SCGB2B2: variants seen among roughly 807,000 people sequenced by gnomAD.
The protein encoded by SCGB2B2 is secretoglobin family 2B member 2, also known as secretoglobin-like protein.
In SCGB2B2, 11 loss-of-function variants were observed where a neutral mutation model predicts 7.6. The observed-to-expected ratio is 1.45, with a 90% CI of 0.91 to 2.40. The LOEUF (loss-of-function observed/expected upper bound fraction) is 2.40, where lower values mean the gene tolerates loss of function less well. Ranked by LOEUF, SCGB2B2 falls within the 30% of genes most tolerant of loss-of-function variation. The pLI is 0.00. For missense variants in SCGB2B2, 104 were observed against 115.4 expected, an observed-to-expected ratio of 0.90 and a Z score of 0.45; for synonymous variants, 50 against 48.6, an observed-to-expected ratio of 1.03 and a Z score of -0.12.
At chr19:34,650,631 A>G (rs1242728566) in intron 1 of SCGB2B2, among the ~76,000 whole-genome samples, 2 of 151,384 alleles carry the variant, frequency 1.3e-5, no homozygotes, top group African/African-American at 2.5e-5. Flanking sequence ...CTATCACAGA[A>G]AAGTCTAGAT....
intron 1 of SCGB2B2, among the ~76,000 whole-genome samples, chr19:34,620,876 G>A (rs1310132271): frequency 6.6e-6 from 1 of 152,020 alleles, no homozygotes; most frequent in Non-Finnish European, 1.5e-5. Flanking sequence ...AATGTATACT[G>A]GGAAAACTTT....
intron 1 of SCGB2B2, among the ~76,000 whole-genome samples, chr19:34,623,847 C>CA (rs903152404): frequency 1.3e-5 from 2 of 152,076 alleles, no homozygotes; most frequent in African/African-American, 2.4e-5. Context: ...ACAGGTGCCT[C>CA]AAAAAATATA....
rs534905593 is a variant in SCGB2B2 at position 34,628,001 on chromosome 19, C to G, written c.-2031-31407G>C. On this transcript the variant is annotated intron_variant, in intron 1 of 3. Transcript: ENST00000601241. ...ACCGCTCAACTACATGGAAACTGAA[C>G]AACTTCCTCCTGAATGACTACTGGG... is the stretch of plus-strand genomic sequence containing the variant. 5.3e-5 allele frequency among the ~76,000 whole-genome samples: 8 copies of G among 152,310 alleles called. No individual in the cohort carries two copies. In the South Asian group the frequency reaches 1.7e-3, roughly 32 times the overall value.
chr19:34,649,844 C>T (rs2067118280), intron 1 of SCGB2B2, among the ~76,000 whole-genome samples: 1 of 151,160 alleles, frequency 6.6e-6, no homozygotes. Flanking sequence ...TCTTCCTGTG[C>T]ACCCCAGCTT....
intron 1 of SCGB2B2, among the ~76,000 whole-genome samples, chr19:34,665,292 A>G (rs1262344160): frequency 6.6e-6 from 1 of 152,238 alleles, no homozygotes; most frequent in Non-Finnish European, 1.5e-5. Context: ...TCCTAAGCCT[A>G]GAGATGGTCT....
chr19:34,624,749 G>C (rs1220127425), intron 1 of SCGB2B2, among the ~76,000 whole-genome samples: 1 of 152,164 alleles, frequency 6.6e-6, no homozygotes, highest in Non-Finnish European at 1.5e-5. Context: ...ATGATGGCTA[G>C]ATCTTCTGTG....
At chr19:34,658,807 C>CAAA (rs2067358770) in intron 1 of SCGB2B2, among the ~76,000 whole-genome samples, 33 of 61,162 alleles carry the variant, frequency 5.4e-4, no homozygotes, top group Non-Finnish European at 7.5e-4. Flanking sequence ...ACAACAACAA[C>CAAA]AACAACAAAA....
chr19:34,668,274 G>A (rs1295009170), intron 1 of SCGB2B2, among the ~76,000 whole-genome samples: 1 of 152,160 alleles, frequency 6.6e-6, no homozygotes, highest in Admixed American at 6.5e-5. Context: ...GGCTTGGCGG[G>A]CCCCGCACTC....
At chr19:34,631,986 GAAAGGTGC>G (rs1697131028) in intron 1 of SCGB2B2, 2 of 152,098 alleles carry the variant, frequency 1.3e-5, no homozygotes, top group African/African-American at 4.8e-5. Context: ...TAATTTTAAA[GAAAGGTGC>G]AAAGGCAACT....
In SCGB2B2 at chr19:34,676,140, G is replaced by T. The variant is rs1404895820; in HGVS notation, c.-2542C>A. ...AGCGCTGATTGGTCTATTTTACAGA[G>T]TGCTGTTTGGTCCGTTTTTACAGAG... On this transcript the variant is annotated 5_prime_UTR_variant, in exon 1 of 4. Coordinates refer to ENST00000601241, the MANE Select transcript of SCGB2B2 (RefSeq NM_001025591.4). 6.6e-6 allele frequency: 1 copy of T among 152,178 alleles called. No individual in the cohort carries two copies. The highest frequency in any genetic ancestry group is 1.5e-5 in the Non-Finnish European group (1 of 68,050). The allele number at this position is 152,178 out of a possible 1,614,324, so 9.4% of individuals were successfully genotyped here. A position where few individuals can be genotyped will look rare whatever the true frequency, so the allele number is the denominator to read the frequency against.
At position 34,653,434 on chromosome 19, in the gene SCGB2B2, C is replaced by T. The variant is rs571079346; in HGVS notation, c.-2032+22196G>A. Among the ~76,000 whole-genome samples the T allele has an allele frequency of 3.4e-4, 51 of 151,196 alleles. 3 individuals are homozygous for T. Among genetic ancestry groups the T allele is most frequent in the African/African-American group, 1.2e-3 (50 of 40,578 alleles). On this transcript the variant is annotated intron_variant, in intron 1 of 3. Coordinates refer to ENST00000601241, the MANE Select transcript of SCGB2B2 (RefSeq NM_001025591.4). ...TAATCACCCTGCTTTGGTCATTACA[C>T]ATTGTATGCATGTATTGAAATACCA...
At chr19:34,653,480 C>T (rs1176679395) in intron 1 of SCGB2B2, among the ~76,000 whole-genome samples, 1 of 150,834 alleles carries the variant, frequency 6.6e-6, no homozygotes, top group Non-Finnish European at 1.5e-5. Flanking sequence ...TAAATATATA[C>T]AATTATTACT....
chr19:34,662,555 A>G (rs1280670008), intron 1 of SCGB2B2, among the ~76,000 whole-genome samples: 1 of 152,154 alleles, frequency 6.6e-6, no homozygotes. Flanking sequence ...TATAACATTG[A>G]TAAATTTAAT....
downstream of SCGB2B2, among the ~76,000 whole-genome samples, chr19:34,588,979 A>G (rs2065241740): frequency 6.6e-6 from 1 of 152,178 alleles, no homozygotes; most frequent in South Asian, 2.1e-4. Context: ...GTGGAGGATC[A>G]GGTCTCAAGG....
At position 34,594,762 on chromosome 19, in the gene SCGB2B2, G is replaced by A. The variant is rs140600262; in HGVS notation, c.-199C>T. 6,353 of 614,264 alleles carry A rather than the reference G, an allele frequency of 0.01. 305 individuals carry two copies. The highest frequency in any genetic ancestry group is 0.088 in the South Asian group (4,785 of 54,364). 38.1% of individuals were successfully genotyped at this position (614,264 alleles called of 1,614,324 possible). A position where few individuals can be genotyped will look rare whatever the true frequency, so the allele number is the denominator to read the frequency against. ...CGGCCCTGGGCCATGCTGTTGGGGT[G>A]GCAGCGTATCGGGAACTGGACTCAG... On this transcript the variant is annotated 5_prime_UTR_variant, in exon 2 of 4. Transcript: ENST00000601241.
chr19:34,638,444 A>C (rs927457109), intron 1 of SCGB2B2, among the ~76,000 whole-genome samples: 4 of 151,106 alleles, frequency 2.6e-5, no homozygotes, highest in African/African-American at 9.8e-5. Flanking sequence ...TCCTGTCTCC[A>C]AAACAAAAAA....
intron 1 of SCGB2B2, among the ~76,000 whole-genome samples, chr19:34,671,956 T>C (rs1445298878): frequency 6.6e-6 from 1 of 152,204 alleles, no homozygotes; most frequent in Admixed American, 6.5e-5. Flanking sequence ...TGGAAGATTA[T>C]TCATAAAATT....
At chr19:34,667,329 A>C (rs1189945912) in intron 1 of SCGB2B2, among the ~76,000 whole-genome samples, 1 of 151,836 alleles carries the variant, frequency 6.6e-6, no homozygotes, top group Non-Finnish European at 1.5e-5. Context: ...CCACAGGAAG[A>C]AATCAACAAC....
At position 34,593,149 on chromosome 19, in the gene SCGB2B2, C is replaced by G. The variant is rs750848625; in HGVS notation, c.*406G>C. ...CCAGCCTGGCCAACATGGCAAAACC[C>G]TGTCTCCACTAAAAATACAAAAATT... On this transcript the variant is annotated 3_prime_UTR_variant, in exon 4 of 4. Transcript: ENST00000601241. 2.6e-5 allele frequency among the ~76,000 whole-genome samples: 4 copies of G among 152,156 alleles called. No homozygotes were observed. The highest frequency in any genetic ancestry group is 4.4e-5 in the Non-Finnish European group (3 of 68,034).
Sources: allele counts gnomAD v4.1 joint callset (sites outside exome capture counted in the v4.1 genomes callset), GRCh38; gene constraint gnomAD v4.1.1; transcripts MANE v1.5; gene names NCBI Gene and HGNC (gene_info 2026-07-23, HGNC 2026-07-21).